The following PTAFR variants were observed in gnomAD, a reference collection of about 807,000 sequenced individuals.
PTAFR encodes the protein platelet-activating factor receptor.
In PTAFR, 8 loss-of-function variants were observed where a neutral mutation model predicts 14.7. The observed-to-expected ratio is 0.54, with a 90% CI of 0.32 to 0.98. The LOEUF is 0.98. PTAFR is among the 50% of genes least tolerant of loss of function. The pLI is 0.04. For synonymous variants in PTAFR, 156 were observed against 176.5 expected (o/e 0.88, Z 0.92); for missense variants, 337 against 451.2 (o/e 0.75, Z 2.29).
At chr1:28,179,358 A>G (rs1427073730), upstream of PTAFR, among the ~76,000 whole-genome samples, 2 of 152,198 alleles carry the variant, frequency 1.3e-5, no homozygotes, top group African/African-American at 4.8e-5. Flanking sequence ...CCATGCGCGC[A>G]TGTGGCAACT....
rs1446477591 is a variant in PTAFR at position 28,148,440 on chromosome 1, A to C, written c.*1553T>G. 6.6e-6 allele frequency: 1 copy of C among 152,334 alleles called. No individual in the cohort carries two copies. The highest frequency in any genetic ancestry group is 6.5e-5 in the Admixed American group (1 of 15,286). 9.4% of individuals were successfully genotyped at this position (152,334 alleles called of 1,614,324 possible). ...CCTGTTCGTATGGAAGCCCCTGGAC[A>C]TCGGGGTGTCCTGGCCTGGACAGCT... is the stretch of plus-strand genomic sequence containing the variant. On this transcript the variant is annotated 3_prime_UTR_variant, in exon 2 of 2. Transcript: ENST00000373857.
At chr1:28,191,100 G>A (rs1043262195) in intron 1 of PTAFR, among the ~76,000 whole-genome samples, 3 of 152,096 alleles carry the variant, frequency 2.0e-5, no homozygotes, top group Non-Finnish European at 4.4e-5. Flanking sequence ...TCTTCAGCTC[G>A]GGAGCAAAGC....
At chr1:28,152,939 T>A (rs1357173783) in intron 1 of PTAFR, among the ~76,000 whole-genome samples, 1 of 152,188 alleles carries the variant, frequency 6.6e-6, no homozygotes, top group Non-Finnish European at 1.5e-5. Flanking sequence ...TACTTTATAC[T>A]TTTATGTGTT....
At chr1:28,157,759 G>T (rs1458571957) in intron 1 of PTAFR, among the ~76,000 whole-genome samples, 2 of 151,686 alleles carry the variant, frequency 1.3e-5, no homozygotes, top group East Asian at 3.9e-4. Context: ...CTCCCGAGTG[G>T]CTGGGACTAC....
At position 28,155,733 on chromosome 1, in the gene PTAFR, T is replaced by C. The variant is rs139057141; in HGVS notation, c.-38-4674A>G. On this transcript the variant is annotated intron_variant, in intron 1 of 1. Transcript: ENST00000373857. ...AAAAATTTAAATTAGCAAGGCATGGTGGTGCACTCCTGTAGTCCCAGCTAC... is the reference window on the plus strand; with the variant it reads ...AAAAATTTAAATTAGCAAGGCATGGCGGTGCACTCCTGTAGTCCCAGCTAC... Among the ~76,000 whole-genome samples, 630 of 151,640 alleles carry C rather than the reference T, an allele frequency of 4.2e-3. 5 individuals carry two copies. Among genetic ancestry groups the C allele is most frequent in the African/African-American group, 0.015 (605 of 41,320 alleles).
At chr1:28,173,671 A>AG (rs1193115475) in intron 1 of PTAFR, among the ~76,000 whole-genome samples, 4 of 138,484 alleles carry the variant, frequency 2.9e-5, no homozygotes, top group East Asian at 2.4e-4. Flanking sequence ...AAAAAAGAGG[A>AG]GGGGGGGCGG....
In PTAFR at chr1:28,184,785, G is replaced by A. The variant is rs539143133; in HGVS notation, c.-39+8937C>T. On this transcript the variant is annotated intron_variant, in intron 1 of 1. Transcript: ENST00000305392. ...CTCTCAAGTAGCTGGCATTACAGGCGTGCACCACCACACCTAGCTAATTTT... is the reference window on the plus strand; with the variant it reads ...CTCTCAAGTAGCTGGCATTACAGGCATGCACCACCACACCTAGCTAATTTT... Among the ~76,000 whole-genome samples, 26 of 152,042 alleles carry A rather than the reference G, an allele frequency of 1.7e-4. No homozygotes were observed. The East Asian group carries it at 3.9e-3, about 23-fold the overall frequency.
intron 1 of PTAFR, among the ~76,000 whole-genome samples, chr1:28,182,004 A>T (rs1306829820): frequency 6.6e-6 from 1 of 151,970 alleles, no homozygotes; most frequent in Non-Finnish European, 1.5e-5. Flanking sequence ...TGCTACATGA[A>T]TCTTCTCGGA....
intron 1 of PTAFR, among the ~76,000 whole-genome samples, chr1:28,154,777 G>A (rs191986209): frequency 9.0e-4 from 108 of 119,506 alleles, no homozygotes; most frequent in African/African-American, 3.3e-3. Context: ...ATGCCTTTGC[G>A]CTCCAGCCTG....
intron 1 of PTAFR, among the ~76,000 whole-genome samples, chr1:28,159,485 A>G (rs1053752045): frequency 6.6e-6 from 1 of 152,198 alleles, no homozygotes; most frequent in African/African-American, 2.4e-5. Context: ...GCAGTTGCCC[A>G]GGCATGGGTT....
chr1:28,182,378 G>C (rs756320210), intron 1 of PTAFR, among the ~76,000 whole-genome samples: 1 of 132,122 alleles, frequency 7.6e-6, no homozygotes, highest in Non-Finnish European at 1.6e-5. Flanking sequence ...GGGAGGGAGG[G>C]AGGGAAATTG....
chr1:28,174,002 C>T (rs1257665486), intron 1 of PTAFR, among the ~76,000 whole-genome samples: 1 of 152,136 alleles, frequency 6.6e-6, no homozygotes, highest in Non-Finnish European at 1.5e-5. Context: ...GATATGCTCC[C>T]GGCCCATCAT....
chr1:28,153,282 C>T (rs1289302676), intron 1 of PTAFR, among the ~76,000 whole-genome samples: 1 of 152,214 alleles, frequency 6.6e-6, no homozygotes, highest in Non-Finnish European at 1.5e-5. Context: ...GCTCCCTTCC[C>T]TCTTGTTCCT....
chr1:28,150,382 G>A lies in PTAFR; in HGVS notation c.640C>T (p.Leu214Phe). ...CGCTGCTGCTGCACCGGCTGCATGA[G>A]CAAGGTACGGATGATGACCAGGTTG... ...FCNLVIIRTL[L>F]MQPVQQQRNA... Residue 214 changes from leucine to phenylalanine, a missense_variant, in exon 2 of 2, where the codon CTC becomes TTC. By Grantham distance (22) the Leu-to-Phe change is conservative. Coordinates refer to ENST00000373857, the MANE Select transcript of PTAFR (RefSeq NM_000952.5). This position sits in a 1 kb window ranked among gnomAD's most constrained non-coding sequence, Gnocchi z 6.3. The A allele has an allele frequency of 3.7e-6, 6 of 1,613,988 alleles. No individual in the cohort carries two copies. Among genetic ancestry groups the A allele is most frequent in the Non-Finnish European group, 5.1e-6 (6 of 1,179,910 alleles).
upstream of PTAFR, among the ~76,000 whole-genome samples, chr1:28,180,080 G>A (rs950523767): frequency 1.3e-5 from 2 of 152,072 alleles, no homozygotes; most frequent in Admixed American, 6.6e-5. Flanking sequence ...AAGCTGAGGC[G>A]GAAGGATCCC....
chr1:28,166,226 G>A (rs556052468), intron 1 of PTAFR, among the ~76,000 whole-genome samples: 2 of 152,280 alleles, frequency 1.3e-5, no homozygotes, highest in African/African-American at 2.4e-5. Context: ...TCCCTTCAAC[G>A]AAAAGTGCTG....
At chr1:28,186,329 T>TAA (rs11371237) in intron 1 of PTAFR, among the ~76,000 whole-genome samples, 1 of 148,068 alleles carries the variant, frequency 6.8e-6, no homozygotes. Context: ...AAAAGTTATT[T>TAA]AAAAAAAAAA....
In PTAFR at chr1:28,150,174, C is replaced by T. The variant is rs1311405349; in HGVS notation, c.848G>A (p.Ser283Asn). The T allele has an allele frequency of 1.9e-6, 3 of 1,614,130 alleles. No homozygotes were observed. The highest frequency in any genetic ancestry group is 2.5e-6 in the Non-Finnish European group (3 of 1,180,018). The change falls in exon 2 of 2, where the codon AGC (serine) becomes AAC (asparagine). Residue 283 changes from serine (S) to asparagine (N), a missense_variant. Physicochemically the swap from Ser to Asn is conservative, Grantham distance 46. Coordinates refer to ENST00000373857, the MANE Select transcript of PTAFR (RefSeq NM_000952.5). The surrounding 1 kb of genome is among the most constrained non-coding windows in gnomAD (Gnocchi z 6.3). ...DAHQVTLCLL[S>N]TNCVLDPVIY... ...AACAGGGTCTAAGACACAGTTGGTGCTAAGGAGGCAGAGGGTGACCTGATG... is the reference window on the plus strand; with the variant it reads ...AACAGGGTCTAAGACACAGTTGGTGTTAAGGAGGCAGAGGGTGACCTGATG...
intron 1 of PTAFR, among the ~76,000 whole-genome samples, chr1:28,153,655 C>T (rs941446818): frequency 4.6e-5 from 7 of 151,404 alleles, no homozygotes; most frequent in African/African-American, 9.7e-5. Flanking sequence ...TTTGGGAGGC[C>T]GAAGCAGGCA....
Sources: allele counts gnomAD v4.1 joint callset (sites outside exome capture counted in the v4.1 genomes callset), GRCh38; gene constraint gnomAD v4.1.1; non-coding constraint Gnocchi (gnomAD v3.1); transcripts MANE v1.5; gene names NCBI Gene and HGNC (gene_info 2026-07-23, HGNC 2026-07-21).